The following AMPD3 variants were observed in gnomAD, a reference collection of about 807,000 sequenced individuals.
AMPD3 encodes the protein AMP deaminase 3.
A neutral mutation model predicts 82.3 loss-of-function variants in AMPD3; 57 were observed. The ratio of observed to expected loss-of-function variants is 0.69; its 90% CI spans 0.56 to 0.86. The LOEUF (loss-of-function observed/expected upper bound fraction) is 0.86, where lower values mean the gene tolerates loss of function less well. Among genes scored for constraint, AMPD3 ranks in the 40% least tolerant of loss-of-function variants. AMPD3 has a pLI of 0.00. For synonymous variants in AMPD3, 381 were observed against 394.7 expected (o/e 0.97, Z 0.41); for missense variants, 870 against 1,003.8 (o/e 0.87, Z 1.80).
At chr11:10,500,920 C>T (rs1180744895) in intron 11 of AMPD3, 1 of 985,284 alleles carries the variant, frequency 1.0e-6, no homozygotes, top group African/African-American at 1.7e-5. Context: ...CTCTCTAGCT[C>T]AGCCTAAACT....
intron 2 of AMPD3, among the ~76,000 whole-genome samples, chr11:10,470,529 CTGTT>C (rs1848558366): frequency 1.3e-5 from 2 of 152,318 alleles, no homozygotes; most frequent in South Asian, 4.1e-4. Context: ...CAAATTGTCT[CTGTT>C]TGTGGATGAC....
At chr11:10,471,759 G>A (rs535410547) in intron 2 of AMPD3, among the ~76,000 whole-genome samples, 19 of 152,276 alleles carry the variant, frequency 1.2e-4, no homozygotes, top group African/African-American at 4.1e-4. Flanking sequence ...ACCATCTCAC[G>A]CCAGTTAGAA....
rs182672907 is a variant in AMPD3, at chr11:10,479,986, T to C, written c.426+1256T>C. The C allele has an allele frequency of 1.9e-5, 19 of 985,376 alleles. No homozygotes were observed. The African/African-American group carries it at 3.0e-4, about 15-fold the overall frequency. The allele number at this position is 985,376 out of a possible 1,614,324, so 61.0% of individuals were successfully genotyped here. ...CAACCTGAGGCAGGTGGGCAGGGCA[T>C]TGGAAAGCAAGAGTCGAGGTGGGTC... On this transcript the variant is annotated intron_variant, in intron 3 of 14. Transcript: ENST00000396553.
intron 4 of AMPD3, among the ~76,000 whole-genome samples, chr11:10,483,917 A>G (rs1459189961): frequency 6.6e-6 from 1 of 152,224 alleles, no homozygotes; most frequent in Non-Finnish European, 1.5e-5. Context: ...GCTGAGCTGC[A>G]TGGAGTTGAA....
chr11:10,465,900 G>A (rs1002340671), intron 2 of AMPD3, among the ~76,000 whole-genome samples: 15 of 151,874 alleles, frequency 9.9e-5, no homozygotes, highest in Non-Finnish European at 2.1e-4. Flanking sequence ...CCCTGGAAAG[G>A]GGGCTAAAGC....
At chr11:10,491,962 C>A (rs1319196741) in intron 6 of AMPD3, among the ~76,000 whole-genome samples, 1 of 152,188 alleles carries the variant, frequency 6.6e-6, no homozygotes, top group Non-Finnish European at 1.5e-5. Context: ...TGGAACAGAT[C>A]ACCTTTGGAG....
chr11:10,494,272 G>C (rs1237391569), intron 7 of AMPD3, among the ~76,000 whole-genome samples: 1 of 152,202 alleles, frequency 6.6e-6, no homozygotes. Context: ...AAGGTCCCTA[G>C]AATAGGCAAA....
upstream of AMPD3, chr11:10,450,668 G>A (rs1242683584): frequency 1.9e-6 from 2 of 1,026,274 alleles, no homozygotes; most frequent in South Asian, 4.6e-5. Flanking sequence ...GGCCCTGGCG[G>A]CCGCCGCGCC....
chr11:10,475,186 G>C (rs964244733), intron 2 of AMPD3, among the ~76,000 whole-genome samples: 1 of 152,072 alleles, frequency 6.6e-6, no homozygotes, highest in African/African-American at 2.4e-5. Flanking sequence ...TACATGGTGG[G>C]AGCAGGAGCA....
At chr11:10,487,836 G>C (rs1048330775) in intron 6 of AMPD3, among the ~76,000 whole-genome samples, 1 of 152,176 alleles carries the variant, frequency 6.6e-6, no homozygotes, top group African/African-American at 2.4e-5. Flanking sequence ...TCCTGTGTTA[G>C]TTTGCTGAGG....
chr11:10,462,329 G>A (rs781330476), intron 2 of AMPD3, among the ~76,000 whole-genome samples: 13 of 152,180 alleles, frequency 8.5e-5, no homozygotes, highest in Non-Finnish European at 1.8e-4. Context: ...AAACAGGGGA[G>A]AGAGAGGCGG....
chr11:10,462,428 C>T (rs779445032), intron 2 of AMPD3, among the ~76,000 whole-genome samples: 10 of 152,072 alleles, frequency 6.6e-5, no homozygotes, highest in Non-Finnish European at 1.3e-4. Context: ...AAGGTGGAGT[C>T]GCCCTGGGGA....
At chr11:10,505,163 C>G in intron 14 of AMPD3, 1 of 985,326 alleles carries the variant, frequency 1.0e-6, no homozygotes, top group Non-Finnish European at 1.2e-6. Flanking sequence ...TTTTAAAAAG[C>G]CTGATGAGGA....
In AMPD3 at chr11:10,484,973, AC is replaced by A. The variant is rs1482389260; in HGVS notation, c.747del (p.Asp250ThrfsTer9). 1.3e-6 allele frequency: 2 copies of A among 1,561,260 alleles called. No homozygotes were observed. Among genetic ancestry groups the A allele is most frequent in the African/African-American group, 2.9e-5 (2 of 67,850 alleles). The part of the protein sequence containing the change: ...LEHQEPHSLP[Y>X]PDLETYTVDM... Reference sequence around the variant, plus strand: ...CACCAGGAGCCGCACAGCCTACCCTACCCCGACCTGGAGACCTACACGGTGG... The same window carrying A: ...CACCAGGAGCCGCACAGCCTACCCTACCCGACCTGGAGACCTACACGGTGG... On this transcript the variant is annotated frameshift_variant, in exon 5 of 15. Transcript: ENST00000396553. LOFTEE classifies it high-confidence loss of function.
rs1338385182 is a variant in AMPD3 at position 10,502,848 on chromosome 11, A to G, written c.1970A>G (p.His657Arg). ...AGGGAATTCCTACACAAGGGACTGC[A>G]TGTTTCTCTTTCCACCGATGACCCC... ...PLREFLHKGL[H>R]VSLSTDDPMQ... Residue 657 changes from histidine to arginine, a missense_variant, in exon 13 of 15, where the codon CAT becomes CGT. Transcript: ENST00000396553. 4 of 1,614,210 alleles carry G rather than the reference A, an allele frequency of 2.5e-6. No homozygotes were observed. In the South Asian group the frequency reaches 4.4e-5, roughly 18 times the overall value.
At position 10,478,315 on chromosome 11, in the gene AMPD3, CA is replaced by C. The variant is rs1848800168; in HGVS notation, c.222-210del. ...ACAGCCCTGAGCAGTGCATGGTGAC[CA>C]CAGGTAGGGGTGTCTGGAGGGCCGT... On this transcript the variant is annotated intron_variant, in intron 2 of 14. Coordinates refer to ENST00000396553, the MANE Select transcript of AMPD3 (RefSeq NM_001025389.2). 4.1e-6 allele frequency: 4 copies of C among 985,396 alleles called. No homozygotes were observed. The African/African-American group carries it at 7.0e-5, about 17-fold the overall frequency. 61.0% of individuals were successfully genotyped at this position (985,396 alleles called of 1,614,324 possible).
chr11:10,502,307 G>A, intron 12 of AMPD3: 7 of 985,462 alleles, frequency 7.1e-6, no homozygotes, highest in Non-Finnish European at 8.4e-6. Flanking sequence ...AGGAGCTGGA[G>A]TGTTTATAGT....
At chr11:10,493,307 G>A (rs778041361) in intron 6 of AMPD3, 42 bp from the exon 7 acceptor site, 1 of 1,610,758 alleles carries the variant, frequency 6.2e-7, no homozygotes, top group Admixed American at 1.7e-5. Flanking sequence ...TGTTGCTAGG[G>A]GAGGTGGCCT....
At chr11:10,493,032 G>A (rs887004366) in intron 6 of AMPD3, among the ~76,000 whole-genome samples, 2 of 152,188 alleles carry the variant, frequency 1.3e-5, no homozygotes, top group African/African-American at 4.8e-5. Flanking sequence ...TGAATCTCAG[G>A]CCAAGGTGCT....
Sources: gnomAD v4.1 joint callset for allele counts (sites outside exome capture counted in the v4.1 genomes callset) on GRCh38, gnomAD v4.1.1 for gene constraint, MANE v1.5 for transcripts, NCBI Gene and HGNC (gene_info 2026-07-23, HGNC 2026-07-21) for gene names.